Variants in COL23A1 observed in about 807,000 individuals in gnomAD.
COL23A1 encodes collagen type XXIII alpha 1 chain.
In COL23A1, 97 loss-of-function variants were observed where a neutral mutation model predicts 99.3. The ratio of observed to expected loss-of-function variants is 0.98; its 90% CI spans 0.83 to 1.16. The LOEUF is 1.16. COL23A1 is among the 50% of genes most tolerant of loss of function. The probability of loss-of-function intolerance (pLI) is 0.00; values close to 1 mark genes in which losing one functional copy is unlikely to be tolerated. For synonymous variants in COL23A1, 320 were observed against 308.2 expected, an observed-to-expected ratio of 1.04 and a Z score of -0.40; for missense variants, 762 against 757.4, an observed-to-expected ratio of 1.01 and a Z score of -0.07.
chr5:178,436,961 C>A (rs1011589385), intron 2 of COL23A1, among the ~76,000 whole-genome samples: 2 of 152,216 alleles, frequency 1.3e-5, no homozygotes, highest in African/African-American at 2.4e-5. Flanking sequence ...AGAGCCTCAT[C>A]TCTCGAATTG....
In COL23A1 at chr5:178,310,845, G is replaced by A. The variant is rs1222376164; in HGVS notation, c.362-3926C>T. On this transcript the variant is annotated intron_variant, in intron 2 of 28. Transcript: ENST00000390654. The surrounding 1 kb of genome is among the most constrained non-coding windows in gnomAD (Gnocchi z 4.3). ...GCCTCAGAGTTTTTGCTTGTTTCTT[G>A]TTTTTCTTCTTTCTACAAGCAGAAG... Among the ~76,000 whole-genome samples, 1 of 152,028 alleles carries A rather than the reference G, an allele frequency of 6.6e-6. No homozygotes were observed. The highest frequency in any genetic ancestry group is 1.5e-5 in the Non-Finnish European group (1 of 68,004).
At chr5:178,572,151 T>A (rs1763142161) in intron 1 of COL23A1, among the ~76,000 whole-genome samples, 1 of 150,438 alleles carries the variant, frequency 6.6e-6, no homozygotes, top group African/African-American at 2.4e-5. Context: ...TGGAAGGGAT[T>A]AATGGCAGAT....
intron 2 of COL23A1, among the ~76,000 whole-genome samples, chr5:178,501,539 C>T (rs1344137395): frequency 6.6e-6 from 1 of 151,410 alleles, no homozygotes; most frequent in African/African-American, 2.4e-5. Flanking sequence ...TGTGCCACTG[C>T]ACTCCAGCCT....
At chr5:178,371,427 C>G (rs1762795632) in intron 2 of COL23A1, among the ~76,000 whole-genome samples, 1 of 152,202 alleles carries the variant, frequency 6.6e-6, no homozygotes, top group African/African-American at 2.4e-5. Flanking sequence ...GGCTGCAGCT[C>G]TGGGGTCGGA....
intron 2 of COL23A1, among the ~76,000 whole-genome samples, chr5:178,456,052 A>C (rs957891509): frequency 2.0e-5 from 3 of 152,218 alleles, no homozygotes; most frequent in Non-Finnish European, 4.4e-5. Flanking sequence ...TTTTGAAAAG[A>C]CTCTCATATA....
rs940160575 is a variant in COL23A1, at chr5:178,367,710, T to C, written c.362-60791A>G. 3.9e-5 allele frequency among the ~76,000 whole-genome samples: 6 copies of C among 152,226 alleles called. No homozygotes were observed. In the South Asian group the frequency reaches 8.3e-4, roughly 21 times the overall value. On this transcript the variant is annotated intron_variant, in intron 2 of 28. Transcript: ENST00000390654. ...CATCGTACAATGTGGCTCTCTTTTCTTTCTAGCATATCATCCAAACGCCTA... is the reference window on the plus strand; with the variant it reads ...CATCGTACAATGTGGCTCTCTTTTCCTTCTAGCATATCATCCAAACGCCTA...
At chr5:178,526,609 C>T (rs1265473744) in intron 2 of COL23A1, among the ~76,000 whole-genome samples, 1 of 152,064 alleles carries the variant, frequency 6.6e-6, no homozygotes, top group African/African-American at 2.4e-5. Context: ...CTGTCATCTG[C>T]AATAAAAAGA....
At chr5:178,371,291 G>A (rs909544896) in intron 2 of COL23A1, among the ~76,000 whole-genome samples, 10 of 152,196 alleles carry the variant, frequency 6.6e-5, no homozygotes, top group African/African-American at 2.2e-4. Context: ...TTCGACCAGT[G>A]TCACCAGGCA....
chr5:178,304,813 A>G (rs1292049057), intron 3 of COL23A1, among the ~76,000 whole-genome samples: 1 of 152,174 alleles, frequency 6.6e-6, no homozygotes, highest in African/African-American at 2.4e-5. Flanking sequence ...TTGGAGCCTC[A>G]GTTTCCTCAT....
Position 178,580,158 on chromosome 5 carries a change from T to C in COL23A1, c.294+9746A>G, listed in dbSNP as rs1321062500. 2.6e-5 allele frequency among the ~76,000 whole-genome samples: 4 copies of C among 152,044 alleles called. No homozygotes were observed. The South Asian group carries it at 8.3e-4, about 31-fold the overall frequency. On this transcript the variant is annotated intron_variant, in intron 1 of 28. Transcript: ENST00000390654. ...GTCTGGCCAACATGGTGAAACTCCA[T>C]CTCTACTAAAAATACAAAACTTAGC...
rs560912746 is a variant in COL23A1 at position 178,542,853 on chromosome 5, G to A, written c.361+17829C>T. ...CCAGAGAATGGTGCTCCTATACTGC[G>A]AAGTCAAAACAATTTTTAAAAGTGT... On this transcript the variant is annotated intron_variant, in intron 2 of 28. Transcript: ENST00000390654. Among the ~76,000 whole-genome samples the A allele has an allele frequency of 3.3e-5, 5 of 152,300 alleles. No homozygotes were observed. The South Asian group carries it at 6.2e-4, about 19-fold the overall frequency.
rs1425681233 is a variant in COL23A1 at position 178,365,244 on chromosome 5, G to A, written c.362-58325C>T. 6.6e-6 allele frequency among the ~76,000 whole-genome samples: 1 copy of A among 151,852 alleles called. No individual in the cohort carries two copies. The highest frequency in any genetic ancestry group is 1.5e-5 in the Non-Finnish European group (1 of 67,990). ...ATATGGGGTCCAGCCCCAGCGCACA[G>A]GAAACCCTGCTCAGGCAGATGGTGT... is the stretch of plus-strand genomic sequence containing the variant. On this transcript the variant is annotated intron_variant, in intron 2 of 28. Coordinates refer to ENST00000390654, the MANE Select transcript of COL23A1 (RefSeq NM_173465.4). This position sits in a 1 kb window ranked among gnomAD's most constrained non-coding sequence, Gnocchi z 5.2.
Position 178,549,004 on chromosome 5 carries a change from C to CT in COL23A1, c.361+11677dup, listed in dbSNP as rs537478955. ...CCTGCAAGCATCCATACAAATACTTCTTTTTTTTTGAGATGGAGTCTCGCT... is the reference window on the plus strand; with the variant it reads ...CCTGCAAGCATCCATACAAATACTTCTTTTTTTTTTGAGATGGAGTCTCGCT... On this transcript the variant is annotated intron_variant, in intron 2 of 28. Coordinates refer to ENST00000390654, the MANE Select transcript of COL23A1 (RefSeq NM_173465.4). 7.9e-4 allele frequency among the ~76,000 whole-genome samples: 119 copies of CT among 151,166 alleles called. 3 individuals carry two copies. The South Asian group carries it at 0.022, about 28-fold the overall frequency.
At chr5:178,342,356 C>T (rs1760719705) in intron 2 of COL23A1, among the ~76,000 whole-genome samples, 1 of 152,222 alleles carries the variant, frequency 6.6e-6, no homozygotes, top group Non-Finnish European at 1.5e-5. Flanking sequence ...CAACTCCCCT[C>T]CTGCATTTAT....
intron 1 of COL23A1, among the ~76,000 whole-genome samples, chr5:178,571,913 C>T (rs1022262416): frequency 2.0e-5 from 3 of 151,928 alleles, no homozygotes; most frequent in Admixed American, 1.3e-4. Flanking sequence ...ACTAAAAATA[C>T]AAAAACTAGC....
intron 2 of COL23A1, among the ~76,000 whole-genome samples, chr5:178,556,425 C>G (rs1368648565): frequency 6.6e-6 from 1 of 152,012 alleles, no homozygotes; most frequent in Non-Finnish European, 1.5e-5. Context: ...GAGTTCGAGA[C>G]CAGCCTGGCC....
intron 2 of COL23A1, among the ~76,000 whole-genome samples, chr5:178,404,770 G>A (rs1764666395): frequency 6.6e-6 from 1 of 152,124 alleles, no homozygotes; most frequent in Non-Finnish European, 1.5e-5. Context: ...GGCCTTGAGG[G>A]TTGACAGAGA....
intron 2 of COL23A1, among the ~76,000 whole-genome samples, chr5:178,319,763 G>A (rs931536707): frequency 1.5e-4 from 23 of 152,192 alleles, no homozygotes; most frequent in African/African-American, 5.6e-4. Flanking sequence ...TGGGTTGACC[G>A]ACTGTCACGG....
At position 178,418,382 on chromosome 5, in the gene COL23A1, C is replaced by A. The variant is rs183858430; in HGVS notation, c.362-111463G>T. 2.0e-3 allele frequency among the ~76,000 whole-genome samples: 305 copies of A among 152,368 alleles called. 6 individuals are homozygous for A. The highest frequency in any genetic ancestry group is 7.6e-4 in the Non-Finnish European group (52 of 68,034). On this transcript the variant is annotated intron_variant, in intron 2 of 28. Transcript: ENST00000390654. ...ACTTAAGGCTTGAAGTTCCTCCATG[C>A]AGTGGAGTCCTTCCCCTACGTTCCA...
Sources: allele counts gnomAD v4.1 joint callset (sites outside exome capture counted in the v4.1 genomes callset), GRCh38; gene constraint gnomAD v4.1.1; non-coding constraint Gnocchi (gnomAD v3.1); transcripts MANE v1.5; gene names NCBI Gene and HGNC (gene_info 2026-07-23, HGNC 2026-07-21).